Variants in CDH8 observed in about 807,000 individuals in gnomAD.
CDH8 encodes the protein cadherin-8.
CDH8 carries 17 observed loss-of-function variants against 68.1 expected under a neutral mutation model. That is an observed-to-expected ratio of 0.25 (90% CI 0.17 to 0.37). The LOEUF is 0.37. Among genes scored for constraint, CDH8 ranks in the 10% least tolerant of loss-of-function variants. CDH8 has a pLI of 1.00. For missense variants in CDH8, 763 were observed against 999.3 expected, an observed-to-expected ratio of 0.76 and a Z score of 3.19; for synonymous variants, 372 against 365.1, an observed-to-expected ratio of 1.02 and a Z score of -0.21.
chr16:61,951,750 A>T (rs939854419), intron 2 of CDH8, among the ~76,000 whole-genome samples: 1 of 152,136 alleles, frequency 6.6e-6, no homozygotes, highest in African/African-American at 2.4e-5. Flanking sequence ...TAGGATGTTA[A>T]TTCCTTCATG....
At chr16:61,954,536 C>T (rs1167334468) in intron 2 of CDH8, among the ~76,000 whole-genome samples, 1 of 150,820 alleles carries the variant, frequency 6.6e-6, no homozygotes, top group African/African-American at 2.5e-5. Flanking sequence ...CCTGTCTCTA[C>T]TAAAAATACA....
intron 3 of CDH8, among the ~76,000 whole-genome samples, chr16:61,882,220 G>A (rs1963591680): frequency 6.6e-6 from 1 of 152,106 alleles, no homozygotes; most frequent in South Asian, 2.1e-4. Flanking sequence ...GATCAAATGT[G>A]TTTTACTCGA....
At chr16:61,810,663 C>T (rs551300503) in intron 7 of CDH8, among the ~76,000 whole-genome samples, 3 of 152,180 alleles carry the variant, frequency 2.0e-5, no homozygotes, top group Non-Finnish European at 2.9e-5. Context: ...AAAGGTTTTC[C>T]TCCATGTGAC....
At chr16:61,893,838 A>T (rs1963822772) in intron 3 of CDH8, among the ~76,000 whole-genome samples, 2 of 152,208 alleles carry the variant, frequency 1.3e-5, no homozygotes, top group South Asian at 4.1e-4. Context: ...GTAAATAAAT[A>T]CACAAGCAAA....
At chr16:61,832,331 A>AATAG (rs35346881) in intron 4 of CDH8, among the ~76,000 whole-genome samples, 46,060 of 142,966 alleles carry the variant, frequency 0.32, 7,414 homozygotes, top group East Asian at 0.39. Context: ...ACAGATAGAT[A>AATAG]ATAGATAGAT....
At chr16:61,787,909 G>A (rs1461979009) in intron 8 of CDH8, among the ~76,000 whole-genome samples, 2 of 120,176 alleles carry the variant, frequency 1.7e-5, no homozygotes, top group Non-Finnish European at 3.3e-5. Flanking sequence ...CATGGACACA[G>A]GAAGGGGAAT....
chr16:61,723,792 A>AT (rs962873341), intron 9 of CDH8, among the ~76,000 whole-genome samples: 1 of 150,524 alleles, frequency 6.6e-6, no homozygotes, highest in African/African-American at 2.4e-5. Context: ...ACACATTCCC[A>AT]TTTTTGCCAT....
At chr16:61,854,603 T>G (rs1462106927) in intron 4 of CDH8, among the ~76,000 whole-genome samples, 1 of 152,112 alleles carries the variant, frequency 6.6e-6, no homozygotes, top group East Asian at 1.9e-4. Flanking sequence ...CATTCTATTT[T>G]CCAAAGGACC....
At chr16:61,822,205 C>CCTTTTTTTTTTTTTTTTTTTTT (rs1962230457) in intron 5 of CDH8, among the ~76,000 whole-genome samples, 1 of 45,630 alleles carries the variant, frequency 2.2e-5, no homozygotes, top group African/African-American at 1.1e-4. Context: ...AAAAACGCAC[C>CCTTTTTTTTTTTTTTTTTTTTT]TTTTTTTTTT....
At chr16:61,769,564 A>T (rs1960725757) in intron 8 of CDH8, among the ~76,000 whole-genome samples, 1 of 151,910 alleles carries the variant, frequency 6.6e-6, no homozygotes, top group Non-Finnish European at 1.5e-5. Context: ...AAAACTTAGT[A>T]GTTGTCTCAT....
At chr16:61,726,501 C>G (rs1959373103) in intron 9 of CDH8, 1 of 150,336 alleles carries the variant, frequency 6.7e-6, no homozygotes, top group South Asian at 2.1e-4. Flanking sequence ...CTCTCTCTCA[C>G]TTTCTTTATG....
At position 61,718,468 on chromosome 16, in the gene CDH8, T is replaced by C. The variant is rs115786464; in HGVS notation, c.1537-4510A>G. Among the ~76,000 whole-genome samples the C allele has an allele frequency of 8.2e-4, 124 of 151,510 alleles. 1 individual carries two copies. Among genetic ancestry groups the C allele is most frequent in the African/African-American group, 2.7e-3 (114 of 41,462 alleles). On this transcript the variant is annotated intron_variant, in intron 9 of 11. Transcript: ENST00000577390. The stretch of plus-strand genomic sequence containing the variant: ...TCTCAGGTAAAACTTAGTTTCTCTT[T>C]TCTCTAAATCCTTCTATAATGATAT...
At chr16:61,671,525 G>A (rs1164680980) in intron 10 of CDH8, among the ~76,000 whole-genome samples, 1 of 151,552 alleles carries the variant, frequency 6.6e-6, no homozygotes, top group East Asian at 1.9e-4. Flanking sequence ...CTAAAGTCCA[G>A]TGTTTGTCCT....
intron 7 of CDH8, among the ~76,000 whole-genome samples, chr16:61,799,912 C>G (rs954317438): frequency 9.2e-5 from 14 of 151,962 alleles, no homozygotes; most frequent in Admixed American, 3.3e-4. Flanking sequence ...CTTTTCCCCC[C>G]CCCAAAGACA....
intron 4 of CDH8, among the ~76,000 whole-genome samples, chr16:61,854,127 CAT>C (rs1441453982): frequency 1.7e-5 from 2 of 120,902 alleles, no homozygotes; most frequent in Non-Finnish European, 3.1e-5. Context: ...CACATATACA[CAT>C]ACACACACAC....
intron 1 of CDH8, among the ~76,000 whole-genome samples, chr16:62,022,133 T>C (rs950905147): frequency 2.0e-5 from 3 of 152,110 alleles, no homozygotes; most frequent in African/African-American, 7.2e-5. Context: ...AGCTTTGAAT[T>C]AACAACATTA....
At chr16:61,929,621 G>A (rs1964509322) in intron 2 of CDH8, among the ~76,000 whole-genome samples, 1 of 152,042 alleles carries the variant, frequency 6.6e-6, no homozygotes, top group African/African-American at 2.4e-5. Flanking sequence ...GGTGCACTGG[G>A]TCCCATCTGC....
chr16:61,770,218 T>C (rs937994361), intron 8 of CDH8, among the ~76,000 whole-genome samples: 1 of 151,906 alleles, frequency 6.6e-6, no homozygotes, highest in Non-Finnish European at 1.5e-5. Flanking sequence ...GCATTCTGCT[T>C]GGGATTAAGT....
At chr16:61,678,005 T>C (rs1157842286) in intron 10 of CDH8, among the ~76,000 whole-genome samples, 1 of 152,108 alleles carries the variant, frequency 6.6e-6, no homozygotes, top group East Asian at 1.9e-4. Flanking sequence ...ATCTGCATGA[T>C]AAACTTTGGT....
Sources: allele counts gnomAD v4.1 joint callset (sites outside exome capture counted in the v4.1 genomes callset), GRCh38; gene constraint gnomAD v4.1.1; transcripts MANE v1.5; gene names NCBI Gene and HGNC (gene_info 2026-07-23, HGNC 2026-07-21).